The following RGPD2 variants were observed in gnomAD, a reference collection of about 807,000 sequenced individuals.
RGPD2 encodes RANBP2-like and GRIP domain-containing protein 2.
A neutral mutation model predicts 36.0 loss-of-function variants in RGPD2; 2 were observed. The observed-to-expected ratio is 0.06, with a 90% CI of 0.02 to 0.17. The LOEUF (loss-of-function observed/expected upper bound fraction) is 0.17. Among genes scored for constraint, RGPD2 ranks in the 10% least tolerant of loss-of-function variants. The pLI, the probability that RGPD2 is intolerant of heterozygous loss-of-function variation, is 1.00. For synonymous variants in RGPD2, 19 were observed against 163.8 expected (o/e 0.12, Z 6.75); for missense variants, 40 against 464.3 (o/e 0.09, Z 8.40).
At chr2:87,972,263 T>A in the RGPD2 span, among the ~76,000 whole-genome samples, 2 of 137,862 alleles carry the variant, frequency 1.5e-5, no homozygotes, top group Non-Finnish European at 3.1e-5. Flanking sequence ...GAGTATATCA[T>A]GGAGCTGAGA....
At chr2:87,954,994 CTTTTTT>C in the RGPD2 span, among the ~76,000 whole-genome samples, 1,091 of 19,130 alleles carry the variant, frequency 0.057, 20 homozygotes, top group African/African-American at 0.069. Context: ...CTGCTTGAAA[CTTTTTT>C]TTTTTTTTTT....
chr2:87,883,622 C>T, the RGPD2 span, among the ~76,000 whole-genome samples: 1 of 151,682 alleles, frequency 6.6e-6, no homozygotes, highest in African/African-American at 2.4e-5. Flanking sequence ...GATGGAGAAA[C>T]ACGTTAAAGG....
chr2:87,972,853 C>T, the RGPD2 span: 3 of 1,611,244 alleles, frequency 1.9e-6, no homozygotes, highest in South Asian at 2.2e-5. Flanking sequence ...GGACTGTCCT[C>T]ATCCTCTTTA....
At chr2:87,807,416 TCTCA>T (rs925727256) in intron 6 of RGPD2, among the ~76,000 whole-genome samples, 1 of 141,152 alleles carries the variant, frequency 7.1e-6, no homozygotes, top group African/African-American at 2.6e-5. Context: ...AGACAGAGTC[TCTCA>T]CTATCGCCTG....
chr2:87,875,150 CA>C, the RGPD2 span, among the ~76,000 whole-genome samples: 2 of 152,140 alleles, frequency 1.3e-5, no homozygotes, highest in Admixed American at 1.3e-4. Context: ...ATGCTATCTG[CA>C]AAGATAATTT....
chr2:87,939,702 G>C, the RGPD2 span, among the ~76,000 whole-genome samples: 456 of 151,900 alleles, frequency 3.0e-3, 3 homozygotes, highest in African/African-American at 0.01. Context: ...TGACAGCCCA[G>C]GATTTTCTGG....
At chr2:87,884,098 A>G in the RGPD2 span, among the ~76,000 whole-genome samples, 2 of 152,180 alleles carry the variant, frequency 1.3e-5, no homozygotes, top group Non-Finnish European at 2.9e-5. Context: ...ATCAAGTATC[A>G]TTTTCCATCG....
the RGPD2 span, among the ~76,000 whole-genome samples, chr2:87,945,292 C>T: frequency 1.3e-4 from 19 of 151,642 alleles, no homozygotes; most frequent in Non-Finnish European, 2.2e-4. Flanking sequence ...ATATCAACAT[C>T]GAGAAATTTC....
the RGPD2 span, among the ~76,000 whole-genome samples, chr2:87,986,802 C>G: frequency 6.6e-6 from 1 of 151,420 alleles, no homozygotes; most frequent in Non-Finnish European, 1.5e-5. Flanking sequence ...ATCACCTGAA[C>G]CCGGGAGGCA....
chr2:87,944,523 G>T, the RGPD2 span, among the ~76,000 whole-genome samples: 3 of 95,460 alleles, frequency 3.1e-5, no homozygotes, highest in African/African-American at 5.8e-5. Flanking sequence ...ACCCAAAAAG[G>T]TTATTAAGAC....
chr2:87,921,240 A>T, the RGPD2 span, among the ~76,000 whole-genome samples: 2 of 152,162 alleles, frequency 1.3e-5, no homozygotes, highest in African/African-American at 2.4e-5. Flanking sequence ...AGGATTACAG[A>T]GGATGCTTAG....
chr2:87,826,980 A>T (rs1393561962), upstream of RGPD2, among the ~76,000 whole-genome samples: 6 of 136,656 alleles, frequency 4.4e-5, no homozygotes, highest in African/African-American at 1.7e-4. Flanking sequence ...TGTGGAAATG[A>T]TGCTTGCAGG....
chr2:87,834,537 G>A, the RGPD2 span, among the ~76,000 whole-genome samples: 1 of 152,036 alleles, frequency 6.6e-6, no homozygotes. Flanking sequence ...AGAAAAAATA[G>A]ATTTTTTGCT....
At chr2:87,841,439 C>T in the RGPD2 span, among the ~76,000 whole-genome samples, 21 of 152,166 alleles carry the variant, frequency 1.4e-4, no homozygotes, top group African/African-American at 5.1e-4. Flanking sequence ...TGAGAAAAAC[C>T]TAACACCACA....
the RGPD2 span, among the ~76,000 whole-genome samples, chr2:87,922,099 C>T: frequency 6.6e-6 from 1 of 151,562 alleles, no homozygotes; most frequent in African/African-American, 2.4e-5. Flanking sequence ...TGAGACCAGC[C>T]TGGTCAACAT....
chr2:87,769,772 TTC>T (rs1334661016), intron 22 of RGPD2, among the ~76,000 whole-genome samples: 2 of 150,224 alleles, frequency 1.3e-5, no homozygotes, highest in African/African-American at 4.8e-5. Context: ...ATTTTGAGAT[TTC>T]TGTCTTGTTT....
chr2:87,772,766 G>C lies in RGPD2; in HGVS notation c.5041-402C>G, dbSNP rs559511602. Among the ~76,000 whole-genome samples the C allele has an allele frequency of 4.1e-5, 6 of 146,526 alleles. 1 individual carries two copies. The highest frequency in any genetic ancestry group is 6.9e-5 in the Admixed American group (1 of 14,556). On this transcript the variant is annotated intron_variant, in intron 21 of 22. Transcript: ENST00000398146. The stretch of plus-strand genomic sequence containing the variant: ...GAAAAAGTAGATGAGATAACGTCAA[G>C]ACATTCTCACGAGAAACAGATGAAG...
chr2:87,864,583 T>C, the RGPD2 span, among the ~76,000 whole-genome samples: 313 of 115,200 alleles, frequency 2.7e-3, no homozygotes, highest in African/African-American at 6.0e-3. Flanking sequence ...AGATGATAGA[T>C]AGATAGATAG....
intron 6 of RGPD2, among the ~76,000 whole-genome samples, chr2:87,809,854 C>A (rs1405610730): frequency 5.1e-5 from 7 of 138,260 alleles, no homozygotes; most frequent in African/African-American, 1.0e-4. Flanking sequence ...CCTCAGGGCC[C>A]TCCTGGGGCT....
Sources: gnomAD v4.1 joint callset for allele counts (sites outside exome capture counted in the v4.1 genomes callset) on GRCh38, gnomAD v4.1.1 for gene constraint, MANE v1.5 for transcripts, NCBI Gene and HGNC (gene_info 2026-07-23, HGNC 2026-07-21) for gene names.